The following PCNX1 variants were observed in gnomAD, a reference collection of about 807,000 sequenced individuals.
PCNX1 encodes pecanex 1, also known as pecanex-like protein 1.
A neutral mutation model predicts 242.2 loss-of-function variants in PCNX1; 78 were observed. The ratio of observed to expected loss-of-function variants is 0.32; its 90% CI spans 0.27 to 0.39. The LOEUF (loss-of-function observed/expected upper bound fraction) is 0.39, where lower values mean the gene tolerates loss of function less well. Among genes scored for constraint, PCNX1 ranks in the 10% least tolerant of loss-of-function variants. PCNX1 has a pLI of 1.00. For synonymous variants in PCNX1, 1,024 were observed against 1,032.9 expected (o/e 0.99, Z 0.17); for missense variants, 2,581 against 2,856.5 (o/e 0.90, Z 2.20).
At chr14:70,925,919 C>A (rs1304648856) in intron 1 of PCNX1, among the ~76,000 whole-genome samples, 1 of 151,710 alleles carries the variant, frequency 6.6e-6, no homozygotes, top group Admixed American at 6.6e-5. Context: ...CACCATCATA[C>A]AAGATGCTTC....
At chr14:71,096,223 C>T (rs2062276537) in intron 30 of PCNX1, among the ~76,000 whole-genome samples, 1 of 152,016 alleles carries the variant, frequency 6.6e-6, no homozygotes, top group African/African-American at 2.4e-5. Flanking sequence ...GAGGCTGAGG[C>T]AGGAGAATCA....
At chr14:70,999,513 AT>A (rs1468070992) in intron 8 of PCNX1, among the ~76,000 whole-genome samples, 2 of 152,206 alleles carry the variant, frequency 1.3e-5, no homozygotes, top group Non-Finnish European at 2.9e-5. Context: ...TGTATATATC[AT>A]GAGTAGTATT....
chr14:71,013,751 C>T (rs2059886439), intron 11 of PCNX1, among the ~76,000 whole-genome samples: 1 of 152,136 alleles, frequency 6.6e-6, no homozygotes, highest in Admixed American at 6.5e-5. Context: ...TGAGAGATGA[C>T]AACAAATAAC....
At chr14:71,000,047 TTTA>T (rs1216298860) in intron 8 of PCNX1, among the ~76,000 whole-genome samples, 5 of 152,208 alleles carry the variant, frequency 3.3e-5, no homozygotes, top group Non-Finnish European at 5.9e-5. Flanking sequence ...GATTTTGTCC[TTTA>T]TTATTGTTTT....
At chr14:70,908,035 T>C in intron 1 of PCNX1, 32 bp downstream of exon 1, 2 of 1,523,360 alleles carry the variant, frequency 1.3e-6, no homozygotes, top group Non-Finnish European at 1.8e-6. Context: ...GGGTGGCTCC[T>C]TCCCCGCGAG....
At chr14:71,055,447 A>G (rs1448220475) in intron 24 of PCNX1, 57 bp from the exon 25 acceptor site, 2 of 1,017,282 alleles carry the variant, frequency 2.0e-6, no homozygotes, top group African/African-American at 3.2e-5. Flanking sequence ...CTCAGTCTAA[A>G]TTGTTAAATA....
chr14:71,019,071 G>T lies in PCNX1; in HGVS notation c.3059G>T (p.Gly1020Val). Residue 1020 changes from glycine to valine, a missense_variant, in exon 12 of 36, where the codon GGA (glycine) becomes GTA (valine). Gly to Val is a moderately radical substitution (Grantham distance 109). This residue lies in a region of PCNX1 where 55 missense variants were observed against 49.8 expected (regional missense o/e 1.10). Coordinates refer to ENST00000304743, the MANE Select transcript of PCNX1 (RefSeq NM_014982.3). The part of the protein sequence containing the change: ...VILAILVAFL[G>V]SILLIQGFFR... ...CTGGCTATTCTCGTGGCCTTTTTGGGATCTATTCTTCTCATACAAGGATTC... is the reference window on the plus strand; with the variant it reads ...CTGGCTATTCTCGTGGCCTTTTTGGTATCTATTCTTCTCATACAAGGATTC... The T allele has an allele frequency of 6.2e-7, 1 of 1,613,212 alleles. No homozygotes were observed. The highest frequency in any genetic ancestry group is 8.5e-7 in the Non-Finnish European group (1 of 1,179,498).
Position 70,977,356 on chromosome 14 carries a change from A to T in PCNX1, c.1019A>T (p.Gln340Leu), listed in dbSNP as rs760248058. Residue 340 changes from glutamine to leucine, a missense_variant, in exon 6 of 36, where the codon CAG (glutamine) becomes CTG (leucine). Around this residue, in one of 9 missense-constraint regions of PCNX1, gnomAD observed 1,204 missense variants for 1,216.7 expected, o/e 0.99. Coordinates refer to ENST00000304743, the MANE Select transcript of PCNX1 (RefSeq NM_014982.3). The stretch of plus-strand genomic sequence containing the variant: ...AATTCTGGTTTATCTGGGGAATTTC[A>T]GCTTGCTGGTGACTTGAAAATCAAT... Reference protein sequence around the residue: ...VENSGLSGEFQLAGDLKINTS... With the variant: ...VENSGLSGEFLLAGDLKINTS... The T allele has an allele frequency of 1.1e-5, 17 of 1,614,054 alleles. No individual in the cohort carries two copies. In the Admixed American group the frequency reaches 2.5e-4, roughly 24 times the overall value.
rs748059478 is a variant in PCNX1, at chr14:70,946,975, A to T, written c.214A>T (p.Ile72Phe). ...VYCPVIAAVF[I>F]VLKMVNYRLH... ...TTGTCCTGTGATAGCTGCTGTTTTC[A>T]TTGTTCTGAAGATGGTCAACTATCG... The change falls in exon 2 of 36, where the codon ATT (isoleucine) becomes TTT (phenylalanine). Residue 72 changes from isoleucine to phenylalanine, a missense_variant. By Grantham distance (21) the Ile-to-Phe change is conservative. Coordinates refer to ENST00000304743, the MANE Select transcript of PCNX1 (RefSeq NM_014982.3). 1 of 1,613,882 alleles carries T rather than the reference A, an allele frequency of 6.2e-7. No homozygotes were observed. Among genetic ancestry groups the T allele is most frequent in the Non-Finnish European group, 8.5e-7 (1 of 1,179,882 alleles).
At position 71,115,002 on chromosome 14, in the gene PCNX1, A is replaced by AAAG. The variant is rs2062830372; in HGVS notation, c.*5068_*5070dup. 6.6e-6 allele frequency: 1 copy of AAAG among 152,082 alleles called. No individual in the cohort carries two copies. The highest frequency in any genetic ancestry group is 1.5e-5 in the Non-Finnish European group (1 of 67,956). 9.4% of individuals were successfully genotyped at this position (152,082 alleles called of 1,614,324 possible). On this transcript the variant is annotated 3_prime_UTR_variant, in exon 36 of 36. Transcript: ENST00000304743. ...TTTTTAAAAGCTTATAGTTTAAGTA[A>AAAG]AAGTAAAATGTAAAAACTGATTAAA...
chr14:70,926,629 G>T (rs977407609), intron 1 of PCNX1, among the ~76,000 whole-genome samples: 12 of 152,070 alleles, frequency 7.9e-5, no homozygotes, highest in Non-Finnish European at 1.0e-4. Flanking sequence ...CCACACCAAA[G>T]GATTGTCTGG....
intron 5 of PCNX1, among the ~76,000 whole-genome samples, chr14:70,970,515 T>G (rs1045219313): frequency 1.1e-4 from 16 of 152,244 alleles, no homozygotes; most frequent in African/African-American, 3.9e-4. Context: ...AGGGATTATA[T>G]ATCTTATTTT....
chr14:70,929,983 A>G (rs2056729926), intron 1 of PCNX1, among the ~76,000 whole-genome samples: 1 of 152,230 alleles, frequency 6.6e-6, no homozygotes, highest in Non-Finnish European at 1.5e-5. Context: ...AAAATTCTAT[A>G]ATGTACATAA....
At chr14:71,001,208 A>C (rs1438055442) in intron 8 of PCNX1, among the ~76,000 whole-genome samples, 1 of 152,202 alleles carries the variant, frequency 6.6e-6, no homozygotes, top group Non-Finnish European at 1.5e-5. Flanking sequence ...TTCCTATTGC[A>C]GTGAACACTG....
chr14:70,970,575 T>C (rs905394913), intron 5 of PCNX1, among the ~76,000 whole-genome samples: 7 of 152,130 alleles, frequency 4.6e-5, no homozygotes, highest in Admixed American at 3.9e-4. Context: ...TCTGGTAGGT[T>C]GGGAATTATA....
At chr14:70,922,669 A>G (rs2056423707) in intron 1 of PCNX1, among the ~76,000 whole-genome samples, 1 of 151,938 alleles carries the variant, frequency 6.6e-6, no homozygotes, top group Non-Finnish European at 1.5e-5. Context: ...ACTGAAGTGC[A>G]TGTAACTCTT....
intron 30 of PCNX1, among the ~76,000 whole-genome samples, chr14:71,097,663 A>G (rs950866730): frequency 6.6e-6 from 1 of 152,028 alleles, no homozygotes; most frequent in African/African-American, 2.4e-5. Flanking sequence ...GAATTAAGTT[A>G]TAGATTCTGG....
At chr14:71,003,080 C>CCTTTTTTTTTTTTTTTTTTTTTTTTT (rs2059552444) in intron 8 of PCNX1, among the ~76,000 whole-genome samples, 1 of 95,474 alleles carries the variant, frequency 1.0e-5, no homozygotes, top group African/African-American at 4.7e-5. Context: ...TGGTTGTCTT[C>CCTTTTTTTTTTTTTTTTTTTTTTTTT]TTTTTTTTTT....
intron 23 of PCNX1, 71 bp from the exon 24 acceptor site, chr14:71,051,812 G>C (rs756870040): frequency 6.8e-7 from 1 of 1,478,432 alleles, no homozygotes; most frequent in Admixed American, 2.0e-5. Context: ...GTGTCTGCTA[G>C]GTTTTTGCGA....
Sources: gnomAD v4.1 joint callset for allele counts (sites outside exome capture counted in the v4.1 genomes callset) on GRCh38, gnomAD v4.1.1 for gene constraint, gnomAD v4.1.1 regional missense constraint, MANE v1.5 for transcripts, NCBI Gene and HGNC (gene_info 2026-07-23, HGNC 2026-07-21) for gene names.